Variants in GRB10 observed in about 807,000 individuals in gnomAD.
GRB10 encodes the protein growth factor receptor bound protein 10.
GRB10 carries 20 observed loss-of-function variants against 80.9 expected under a neutral mutation model. The ratio of observed to expected loss-of-function variants is 0.25; its 90% CI spans 0.17 to 0.36. The LOEUF is 0.36. Among genes scored for constraint, GRB10 ranks in the 10% least tolerant of loss-of-function variants. The pLI is 1.00. For missense variants in GRB10, 548 were observed against 747.7 expected (o/e 0.73, Z 3.12); for synonymous variants, 291 against 291.5 (o/e 1.00, Z 0.02).
At chr7:50,751,286 A>C (rs990808044) in intron 3 of GRB10, among the ~76,000 whole-genome samples, 1 of 152,214 alleles carries the variant, frequency 6.6e-6, no homozygotes, top group Non-Finnish European at 1.5e-5. Context: ...GAAGCCTAGA[A>C]AGAGGCTCAG....
intron 3 of GRB10, 31 bp from the exon 4 acceptor site, chr7:50,732,399 GCC>G: frequency 1.6e-6 from 2 of 1,260,626 alleles, no homozygotes; most frequent in Admixed American, 2.1e-5. Context: ...GAGAAGCCAA[GCC>G]AGAAAAAAAA....
chr7:50,745,282 G>C (rs1329903404), intron 3 of GRB10, among the ~76,000 whole-genome samples: 1 of 152,036 alleles, frequency 6.6e-6, no homozygotes, highest in Non-Finnish European at 1.5e-5. Flanking sequence ...AGAACTTATT[G>C]TTCTCTGATA....
intron 6 of GRB10, among the ~76,000 whole-genome samples, chr7:50,673,693 C>A (rs1296235425): frequency 6.6e-6 from 1 of 152,156 alleles, no homozygotes; most frequent in Non-Finnish European, 1.5e-5. Flanking sequence ...GCCCCCACGA[C>A]CCCTGGCAAC....
At chr7:50,612,337 T>C (rs2049696292) in intron 13 of GRB10, among the ~76,000 whole-genome samples, 1 of 152,172 alleles carries the variant, frequency 6.6e-6, no homozygotes, top group Non-Finnish European at 1.5e-5. Context: ...CCCCATCCTC[T>C]GGCTTCAGGG....
At chr7:50,743,710 A>T (rs1046583032) in intron 3 of GRB10, among the ~76,000 whole-genome samples, 1 of 152,262 alleles carries the variant, frequency 6.6e-6, no homozygotes, top group Admixed American at 6.5e-5. Context: ...CAGGAGAACC[A>T]GGAGAGGCCG....
intron 5 of GRB10, among the ~76,000 whole-genome samples, chr7:50,686,117 C>G (rs748080852): frequency 9.9e-5 from 15 of 152,152 alleles, no homozygotes; most frequent in Non-Finnish European, 1.6e-4. Flanking sequence ...TCCCAAAATT[C>G]ATGTGTTGAA....
intron 2 of GRB10, among the ~76,000 whole-genome samples, chr7:50,770,228 G>A (rs767639731): frequency 1.3e-5 from 2 of 152,128 alleles, no homozygotes; most frequent in Non-Finnish European, 2.9e-5. Flanking sequence ...CTGCATCCAC[G>A]TTTTAACACA....
intron 7 of GRB10, among the ~76,000 whole-genome samples, chr7:50,653,571 T>C (rs763112178): frequency 1.3e-5 from 2 of 152,134 alleles, no homozygotes; most frequent in African/African-American, 2.4e-5. Context: ...CTGCCCTGCA[T>C]GTGTTCCAAG....
intron 3 of GRB10, among the ~76,000 whole-genome samples, chr7:50,739,087 C>G (rs1216565028): frequency 5.9e-5 from 9 of 152,260 alleles, no homozygotes; most frequent in African/African-American, 2.2e-4. Context: ...TTTACTCATT[C>G]TAAAGTCAAC....
intron 2 of GRB10, among the ~76,000 whole-genome samples, chr7:50,766,122 G>C (rs1208531567): frequency 1.3e-5 from 2 of 152,156 alleles, no homozygotes; most frequent in African/African-American, 4.8e-5. Flanking sequence ...AATTACTCAT[G>C]CAACTTTAAA....
intron 17 of GRB10, among the ~76,000 whole-genome samples, chr7:50,602,380 A>G (rs10244438): frequency 0.94 from 143,705 of 152,226 alleles, 68,315 homozygotes; most frequent in East Asian, 1. Context: ...CTAAACAGCA[A>G]CCAGGCTTCA....
In GRB10 at chr7:50,593,948, C is replaced by T. The variant is rs1324335572; in HGVS notation, c.1639-850G>A. Among the ~76,000 whole-genome samples, 7 of 151,966 alleles carry T rather than the reference C, an allele frequency of 4.6e-5. No homozygotes were observed. In the South Asian group the frequency reaches 1.3e-3, roughly 27 times the overall value. On this transcript the variant is annotated intron_variant, in intron 18 of 18. Coordinates refer to ENST00000401949, the MANE Select transcript of GRB10 (RefSeq NM_001350814.2). ...TGTTACTTGTAGGATTTGGGCATTACACACTCTGCCTACCACGAAAGCCCC... is the reference window on the plus strand; with the variant it reads ...TGTTACTTGTAGGATTTGGGCATTATACACTCTGCCTACCACGAAAGCCCC...
intron 2 of GRB10, among the ~76,000 whole-genome samples, chr7:50,774,995 CA>C (rs200448804): frequency 1.6e-5 from 2 of 123,488 alleles, no homozygotes; most frequent in East Asian, 2.5e-4. Flanking sequence ...AAAAACAAAA[CA>C]AAACAAAAAA....
intron 4 of GRB10, among the ~76,000 whole-genome samples, chr7:50,713,632 A>C (rs1587335215): frequency 1.3e-4 from 10 of 77,904 alleles, no homozygotes; most frequent in Non-Finnish European, 1.9e-4. Context: ...CTCCACCATC[A>C]CCTCCACCTC....
intron 3 of GRB10, among the ~76,000 whole-genome samples, chr7:50,735,223 C>T (rs1587667641): frequency 6.6e-6 from 1 of 152,098 alleles, no homozygotes; most frequent in South Asian, 2.1e-4. Flanking sequence ...TCAAAAATAA[C>T]AAAATACTTA....
chr7:50,662,748 C>T (rs777453315), intron 7 of GRB10, among the ~76,000 whole-genome samples: 7 of 152,174 alleles, frequency 4.6e-5, no homozygotes, highest in Non-Finnish European at 1.0e-4. Flanking sequence ...GTGTAGTAAC[C>T]ACCAACGGAT....
chr7:50,728,733 C>T (rs1563624172), intron 4 of GRB10, among the ~76,000 whole-genome samples: 1 of 152,136 alleles, frequency 6.6e-6, no homozygotes, highest in Non-Finnish European at 1.5e-5. Flanking sequence ...TGCAGTGGCA[C>T]GATCTTGGCT....
intron 3 of GRB10, among the ~76,000 whole-genome samples, chr7:50,748,141 A>G (rs1000216001): frequency 3.3e-5 from 5 of 152,124 alleles, no homozygotes; most frequent in African/African-American, 1.2e-4. Context: ...ATCTGCTCTA[A>G]TAACTGAACG....
intron 7 of GRB10, among the ~76,000 whole-genome samples, chr7:50,628,278 G>A (rs73113022): frequency 0.15 from 22,705 of 152,184 alleles, 1,911 homozygotes; most frequent in South Asian, 0.28. Context: ...CTGCAGGGTG[G>A]GTGAGAATGT....
Sources: allele counts gnomAD v4.1 joint callset (sites outside exome capture counted in the v4.1 genomes callset), GRCh38; gene constraint gnomAD v4.1.1; transcripts MANE v1.5; gene names NCBI Gene and HGNC (gene_info 2026-07-23, HGNC 2026-07-21).